ATP11C: variants seen among roughly 807,000 people sequenced by gnomAD.
ATP11C encodes phospholipid-transporting ATPase IG.
A neutral mutation model predicts 97.4 loss-of-function variants in ATP11C; 36 were observed. The ratio of observed to expected loss-of-function variants is 0.37; its 90% CI spans 0.28 to 0.49. The LOEUF (loss-of-function observed/expected upper bound fraction) is 0.49, where lower values mean the gene tolerates loss of function less well. Among genes scored for constraint, ATP11C ranks in the 20% least tolerant of loss-of-function variants. The pLI, the probability that ATP11C is intolerant of heterozygous loss-of-function variation, is 0.98. For synonymous variants in ATP11C, 275 were observed against 290.9 expected (o/e 0.95, Z 0.56); for missense variants, 730 against 824.6 (o/e 0.89, Z 1.40).
chrX:139,765,285 T>C (rs1335448610), intron 20 of ATP11C, among the ~76,000 whole-genome samples: 2 of 112,054 alleles, frequency 1.8e-5, no homozygotes, highest in Admixed American at 9.5e-5. Flanking sequence ...TTGCTTTATA[T>C]TGTATACAGG....
intron 5 of ATP11C, among the ~76,000 whole-genome samples, chrX:139,805,827 A>T (rs766924116): frequency 3.5e-4 from 39 of 112,378 alleles, no homozygotes; most frequent in South Asian, 7.4e-4. Flanking sequence ...ATTCAGGAAG[A>T]ATTTTATTTT....
chrX:139,769,281 CATATATATATATATATATAT>C lies in ATP11C; in HGVS notation c.2217-867_2217-848del, dbSNP rs55984113. ...GACAAATGGCTTTGGGGCAAACATACATATATATATATATATATATATATATATATATATATATATATATA... is the reference window on the plus strand; with the variant it reads ...GACAAATGGCTTTGGGGCAAACATACATATATATATATATATATATATATA... On this transcript the variant is annotated intron_variant, in intron 19 of 29. Transcript: ENST00000682941. 7.8e-3 allele frequency among the ~76,000 whole-genome samples: 218 copies of C among 28,078 alleles called. 2 individuals are homozygous for C. Among genetic ancestry groups the C allele is most frequent in the East Asian group, 0.015 (7 of 479 alleles). 24.4% of individuals were successfully genotyped at this position (28,078 alleles called of 115,157 possible).
At chrX:139,797,364 C>T in intron 10 of ATP11C, 38 bp from the exon 11 acceptor site, 1 of 1,048,841 alleles carries the variant, frequency 9.5e-7, no homozygotes, top group South Asian at 2.2e-5. Context: ...AAACCAAAGA[C>T]ATCAGTCAGA....
chrX:139,847,464 C>T (rs1436661898), intron 1 of ATP11C, among the ~76,000 whole-genome samples: 5 of 108,070 alleles, frequency 4.6e-5, no homozygotes, highest in Admixed American at 2.0e-4. Context: ...TTTGGGAAGC[C>T]GAGGTGGGAG....
intron 1 of ATP11C, among the ~76,000 whole-genome samples, chrX:139,886,584 CAAA>C (rs144833892): frequency 1.7e-4 from 6 of 34,860 alleles, no homozygotes; most frequent in Non-Finnish European, 3.4e-4. Flanking sequence ...GACTCCATCT[CAAA>C]AAAAAAAAAA....
At chrX:139,884,151 T>TA (rs970815454) in intron 1 of ATP11C, among the ~76,000 whole-genome samples, 2 of 111,502 alleles carry the variant, frequency 1.8e-5, no homozygotes, top group African/African-American at 6.5e-5. Flanking sequence ...TATTGATTGG[T>TA]AGAGTTGGAG....
At chrX:139,900,267 G>A (rs2084876624) in intron 1 of ATP11C, among the ~76,000 whole-genome samples, 1 of 108,161 alleles carries the variant, frequency 9.2e-6, no homozygotes, top group South Asian at 4.1e-4. Context: ...TACTTGGGAG[G>A]CTGAGGCAGG....
chrX:139,794,878 T>C (rs1403023477), intron 12 of ATP11C, among the ~76,000 whole-genome samples: 1 of 111,948 alleles, frequency 8.9e-6, no homozygotes. Context: ...TGCTCAACCT[T>C]GAGTAGGTTA....
intron 1 of ATP11C, among the ~76,000 whole-genome samples, chrX:139,899,315 T>C (rs1021374519): frequency 9.1e-6 from 1 of 110,147 alleles, no homozygotes; most frequent in Non-Finnish European, 1.9e-5. Context: ...ACCCCATCTC[T>C]ACTAAAAATA....
At chrX:139,738,091 T>C (rs748765155) in intron 27 of ATP11C, 22 bp from the exon 28 acceptor site, 2 of 1,155,144 alleles carry the variant, frequency 1.7e-6, no homozygotes, top group Non-Finnish European at 1.2e-6. Flanking sequence ...AGAAAATACA[T>C]GATGGAAAAA....
Position 139,785,244 on chromosome X carries a change from T to C in ATP11C, c.1648A>G (p.Ile550Val), listed in dbSNP as rs1239527186. The C allele has an allele frequency of 5.0e-6, 6 of 1,207,655 alleles. No homozygotes were observed. The East Asian group carries it at 8.9e-5, about 18-fold the overall frequency. Residue 550 changes from isoleucine to valine, a missense_variant, in exon 16 of 30, where the codon ATT becomes GTT. Transcript: ENST00000682941. ...CATGTACCTTCTTGAGTCTTCACAA[T>C]TACACTCATACGTCGCCGGACAGCA... ...FDAVRRRMSV[I>V]VKTQEGDILL...
At chrX:139,876,571 A>G (rs1422895357) in intron 1 of ATP11C, among the ~76,000 whole-genome samples, 1 of 112,155 alleles carries the variant, frequency 8.9e-6, no homozygotes, top group Non-Finnish European at 1.9e-5. Context: ...AGCTAGGACC[A>G]CAGGTGGGCA....
rs113176197 is a variant in ATP11C at position 139,738,416 on chromosome X, T to C, written c.3135-347A>G. 9.5e-3 allele frequency among the ~76,000 whole-genome samples: 1,066 copies of C among 112,075 alleles called. 21 individuals carry two copies. The highest frequency in any genetic ancestry group is 0.033 in the African/African-American group (1,027 of 30,955). On this transcript the variant is annotated intron_variant, in intron 27 of 29. Coordinates refer to ENST00000682941, the MANE Select transcript of ATP11C (RefSeq NM_001353812.2). ...TGGTTCATTTTTATCCTAACAAGCA[T>C]TTTATTTCCTCAGCTGTTTTATTAA...
intron 3 of ATP11C, 118 bp from the exon 4 acceptor site, chrX:139,817,061 G>A (rs781752974): frequency 2.9e-5 from 11 of 377,743 alleles, no homozygotes; most frequent in Non-Finnish European, 5.0e-5. Flanking sequence ...TCCAGTAGTA[G>A]GGTAAATATT....
At position 139,932,227 on chromosome X, in the gene ATP11C, A is replaced by T; in HGVS notation, c.-185T>A. 5.6e-6 allele frequency: 1 copy of T among 177,666 alleles called. No homozygotes were observed. Among genetic ancestry groups the T allele is most frequent in the Non-Finnish European group, 8.7e-6 (1 of 114,618 alleles). The allele number at this position is 177,666 out of a possible 1,213,427, so 14.6% of individuals were successfully genotyped here. A position where few individuals can be genotyped will look rare whatever the true frequency, so the allele number is the denominator to read the frequency against. On this transcript the variant is annotated 5_prime_UTR_variant, in exon 1 of 30. Transcript: ENST00000682941. ...GCTCCCCCGCCCCCCAGCCGCCCGC[A>T]GCCTAGCCGCCGCCCCGCCTCACTC...
intron 1 of ATP11C, among the ~76,000 whole-genome samples, chrX:139,893,734 C>G (rs1395446706): frequency 1.0e-5 from 1 of 98,498 alleles, no homozygotes; most frequent in African/African-American, 4.0e-5. Context: ...AGTTACATAA[C>G]AAACTACAAA....
chrX:139,805,982 A>C (rs2083033448), intron 5 of ATP11C, among the ~76,000 whole-genome samples: 1 of 112,476 alleles, frequency 8.9e-6, no homozygotes, highest in Admixed American at 9.4e-5. Flanking sequence ...TTATGCTTAA[A>C]TATGCAGAAG....
Position 139,816,118 on chromosome X carries a change from C to T in ATP11C, c.318+745G>A, listed in dbSNP as rs1390812738. ...TAGGCAAGATATAAGACCAGATAAC[C>T]CCAAGAGGAAAGGTAATCTTGTTCC... On this transcript the variant is annotated intron_variant, in intron 4 of 29. Transcript: ENST00000682941. Among the ~76,000 whole-genome samples, 4 of 111,441 alleles carry T rather than the reference C, an allele frequency of 3.6e-5. No individual in the cohort carries two copies. The Admixed American group carries it at 3.8e-4, about 11-fold the overall frequency.
At chrX:139,807,953 TAAA>T (rs60059544) in intron 5 of ATP11C, among the ~76,000 whole-genome samples, 2 of 76,859 alleles carry the variant, frequency 2.6e-5, no homozygotes, top group Non-Finnish European at 2.5e-5. Context: ...CCCTGTCTCT[TAAA>T]AAAAAAAAAA....
Sources: allele counts gnomAD v4.1 joint callset (sites outside exome capture counted in the v4.1 genomes callset), GRCh38; gene constraint gnomAD v4.1.1; transcripts MANE v1.5; gene names NCBI Gene and HGNC (gene_info 2026-07-23, HGNC 2026-07-21).